Variants in RIN3 observed in about 807,000 individuals in gnomAD.
RIN3 encodes Ras and Rab interactor 3.
RIN3 carries 54 observed loss-of-function variants against 76.3 expected under a neutral mutation model. The ratio of observed to expected loss-of-function variants is 0.71; its 90% CI spans 0.57 to 0.89. The LOEUF is 0.89. Ranked by LOEUF, RIN3 falls within the 40% of genes least tolerant of loss-of-function variation. RIN3 has a pLI of 0.00. For missense variants in RIN3, 1,256 were observed against 1,322.1 expected (o/e 0.95, Z 0.78); for synonymous variants, 576 against 564.0 (o/e 1.02, Z -0.30).
At chr14:92,679,973 G>T (rs980218623) in intron 8 of RIN3, among the ~76,000 whole-genome samples, 1 of 152,104 alleles carries the variant, frequency 6.6e-6, no homozygotes, top group Admixed American at 6.5e-5. Context: ...CTCGTATTCT[G>T]CAGTGGTGGC....
chr14:92,614,747 G>C (rs1235294324), intron 3 of RIN3, among the ~76,000 whole-genome samples: 3 of 149,828 alleles, frequency 2.0e-5, no homozygotes, highest in Non-Finnish European at 4.4e-5. Flanking sequence ...GCCTTCCACC[G>C]TAATTATGAG....
chr14:92,579,408 G>A (rs1188541427), intron 3 of RIN3, among the ~76,000 whole-genome samples: 1 of 152,262 alleles, frequency 6.6e-6, no homozygotes, highest in East Asian at 1.9e-4. Flanking sequence ...AACAAGGGCA[G>A]TTTGGAGGTT....
rs1350216660 is a variant in RIN3 at position 92,688,105 on chromosome 14, C to T, written c.2811C>T (p.Asp937=). Residue 937 remains aspartate, a synonymous_variant, in exon 10 of 10, where the codon GAC becomes GAT. Transcript: ENST00000216487. ...GGCGCTGCTTCCAGCTGGCGGACGACGCGCTGCCGCACTGCATCAAGGGCT... is the reference window on the plus strand; with the variant it reads ...GGCGCTGCTTCCAGCTGGCGGACGATGCGCTGCCGCACTGCATCAAGGGCT... ...VDGRCFQLAD[D]ALPHCIKGYL... 2 of 1,607,746 alleles carry T rather than the reference C, an allele frequency of 1.2e-6. No individual in the cohort carries two copies. The highest frequency in any genetic ancestry group is 1.7e-5 in the Admixed American group (1 of 59,712).
At chr14:92,582,367 C>A (rs1177790050) in intron 3 of RIN3, among the ~76,000 whole-genome samples, 2 of 151,652 alleles carry the variant, frequency 1.3e-5, no homozygotes, top group Non-Finnish European at 2.9e-5. Context: ...CATCATCGTT[C>A]ATGTGCATTC....
At chr14:92,677,253 T>C (rs1353895488) in intron 8 of RIN3, among the ~76,000 whole-genome samples, 1 of 152,086 alleles carries the variant, frequency 6.6e-6, no homozygotes, top group African/African-American at 2.4e-5. Flanking sequence ...TCCCCTTTCC[T>C]CCTTCCCACC....
chr14:92,536,074 C>T (rs989045354), intron 1 of RIN3, among the ~76,000 whole-genome samples: 1 of 152,174 alleles, frequency 6.6e-6, no homozygotes, highest in Non-Finnish European at 1.5e-5. Flanking sequence ...CTTTTCTGTT[C>T]CACTGACCTG....
chr14:92,520,526 G>A (rs1015552790), intron 1 of RIN3, among the ~76,000 whole-genome samples: 2 of 152,162 alleles, frequency 1.3e-5, no homozygotes, highest in East Asian at 1.9e-4. Flanking sequence ...TAAGAGATGC[G>A]CCACCCTACC....
intron 1 of RIN3, among the ~76,000 whole-genome samples, chr14:92,549,737 C>T (rs1897372557): frequency 6.6e-6 from 1 of 152,214 alleles, no homozygotes; most frequent in Admixed American, 6.5e-5. Context: ...GGCACTGCGT[C>T]TGGCAGGGCG....
rs565290947 is a variant in RIN3 at position 92,640,140 on chromosome 14, C to T, written c.441-1098C>T. On this transcript the variant is annotated intron_variant, in intron 4 of 9. Transcript: ENST00000216487. ...ACTGCGTTTGCTGGGAGATGCCTGA[C>T]TGTGTGTTCATCGGGGGCTGCCTGT... Among the ~76,000 whole-genome samples the T allele has an allele frequency of 3.2e-3, 389 of 122,432 alleles. 2 individuals are homozygous for T. Among genetic ancestry groups the T allele is most frequent in the African/African-American group, 0.012 (361 of 31,006 alleles). The allele number at this position is 122,432 out of a possible 152,430, so 80.3% of individuals were successfully genotyped here. A position where few individuals can be genotyped will look rare whatever the true frequency, so the allele number is the denominator to read the frequency against.
chr14:92,630,391 C>T (rs1886532782), intron 4 of RIN3, among the ~76,000 whole-genome samples: 1 of 152,192 alleles, frequency 6.6e-6, no homozygotes. Context: ...ACTCAGGAGG[C>T]TGAGGCAGGA....
chr14:92,634,177 C>G (rs1284637107), intron 4 of RIN3, among the ~76,000 whole-genome samples: 1 of 146,494 alleles, frequency 6.8e-6, no homozygotes, highest in East Asian at 2.0e-4. Flanking sequence ...TGGGTTCAAG[C>G]AATTCTCCTG....
chr14:92,616,485 C>T (rs1885971958), intron 4 of RIN3, among the ~76,000 whole-genome samples: 1 of 152,220 alleles, frequency 6.6e-6, no homozygotes, highest in Admixed American at 6.5e-5. Context: ...TGTGAATCAG[C>T]CTTATGTTCC....
chr14:92,577,941 T>C (rs1898305904), intron 3 of RIN3, among the ~76,000 whole-genome samples: 1 of 152,138 alleles, frequency 6.6e-6, no homozygotes, highest in South Asian at 2.1e-4. Flanking sequence ...ACAAACACTT[T>C]GAAAGACAAA....
chr14:92,564,954 A>G (rs1897877926), intron 2 of RIN3, among the ~76,000 whole-genome samples: 1 of 152,188 alleles, frequency 6.6e-6, no homozygotes, highest in South Asian at 2.1e-4. Flanking sequence ...GGCTTTCAGG[A>G]GCAGTGGCAG....
chr14:92,601,516 C>T (rs1410718892), intron 3 of RIN3, among the ~76,000 whole-genome samples: 1 of 152,218 alleles, frequency 6.6e-6, no homozygotes, highest in Non-Finnish European at 1.5e-5. Context: ...GTGGTATTTT[C>T]TGGACAGTCT....
chr14:92,666,967 G>C (rs1329754862), intron 7 of RIN3, among the ~76,000 whole-genome samples: 1 of 152,126 alleles, frequency 6.6e-6, no homozygotes, highest in Non-Finnish European at 1.5e-5. Flanking sequence ...CTAATGACCA[G>C]GTGGTGGGAC....
chr14:92,555,758 C>G lies in RIN3; in HGVS notation c.52C>G (p.Pro18Ala), dbSNP rs1311208725. 6.2e-7 allele frequency: 1 copy of G among 1,614,118 alleles called. No homozygotes were observed. Among genetic ancestry groups the G allele is most frequent in the Non-Finnish European group, 8.5e-7 (1 of 1,180,032 alleles). Residue 18 changes from proline to alanine, a missense_variant, in exon 2 of 10, where the codon CCA becomes GCA. Transcript: ENST00000216487. ...TTGAATTCTGTTTTTCAGTCCGGTTCCAGTTGTTGGCAAAGGAGAGGAAGA... is the reference window on the plus strand; with the variant it reads ...TTGAATTCTGTTTTTCAGTCCGGTTGCAGTTGTTGGCAAAGGAGAGGAAGA... The part of the protein sequence containing the change: ...PARGDPTGPV[P>A]VVGKGEEEEE...
At chr14:92,551,782 A>G (rs908388726) in intron 1 of RIN3, among the ~76,000 whole-genome samples, 1 of 152,214 alleles carries the variant, frequency 6.6e-6, no homozygotes, top group Admixed American at 6.5e-5. Flanking sequence ...TCTCTTGCCC[A>G]TTTTAAAAAT....
rs117060319 is a variant in RIN3 at position 92,519,801 on chromosome 14, G to A, written c.44+5825G>A. 5.3e-3 allele frequency among the ~76,000 whole-genome samples: 801 copies of A among 152,332 alleles called. 4 individuals carry two copies. The highest frequency in any genetic ancestry group is 8.6e-3 in the Non-Finnish European group (584 of 68,028). Reference sequence around the variant, plus strand: ...GCCAGTCCGTCCCTCCTGCCAGCGTGGCCTTGATGGAGAAGAGAGGAGTGA... The same window carrying A: ...GCCAGTCCGTCCCTCCTGCCAGCGTAGCCTTGATGGAGAAGAGAGGAGTGA... On this transcript the variant is annotated intron_variant, in intron 1 of 9. Transcript: ENST00000216487.
Sources: allele counts gnomAD v4.1 joint callset (sites outside exome capture counted in the v4.1 genomes callset), GRCh38; gene constraint gnomAD v4.1.1; transcripts MANE v1.5; gene names NCBI Gene and HGNC (gene_info 2026-07-23, HGNC 2026-07-21).